Variants in CLCN3 observed in about 807,000 individuals in gnomAD.
CLCN3 encodes H(+)/Cl(-) exchange transporter 3.
Under a neutral mutation model 83.4 loss-of-function variants are expected in CLCN3, and 16 were observed. That is an observed-to-expected ratio of 0.19 (90% CI 0.13 to 0.29). CLCN3 has a LOEUF of 0.29. CLCN3 is among the 10% of genes least tolerant of loss of function. The pLI, the probability that CLCN3 is intolerant of heterozygous loss-of-function variation, is 1.00. For synonymous variants in CLCN3, 322 were observed against 346.2 expected (o/e 0.93, Z 0.78); for missense variants, 544 against 1,006.0 (o/e 0.54, Z 6.21).
intron 2 of CLCN3, among the ~76,000 whole-genome samples, chr4:169,669,607 T>TA (rs1015294794): frequency 3.3e-5 from 5 of 152,202 alleles, no homozygotes; most frequent in Non-Finnish European, 5.9e-5. Context: ...GAAGTATGAA[T>TA]AAAAAAATCA....
chr4:169,654,409 ATCT>A (rs1272427293), intron 2 of CLCN3, among the ~76,000 whole-genome samples: 7 of 150,876 alleles, frequency 4.6e-5, no homozygotes, highest in Admixed American at 4.0e-4. Context: ...TTAATTTCTG[ATCT>A]TCTACTTTCT....
At position 169,680,214 on chromosome 4, in the gene CLCN3, G is replaced by C. The variant is rs1560854289; in HGVS notation, c.318+7G>C. ...CAGAGAAAGGCATAGACGGGTAAGT[G>C]TTTTTAGTAAAAATTTTTAAAAACA... On this transcript the variant is annotated splice_region_variant and intron_variant, in intron 3 of 12. Transcript: ENST00000513761. 6.3e-7 allele frequency: 1 copy of C among 1,597,474 alleles called. No homozygotes were observed. Among genetic ancestry groups the C allele is most frequent in the East Asian group, 2.2e-5 (1 of 44,702 alleles).
intron 2 of CLCN3, among the ~76,000 whole-genome samples, chr4:169,661,536 A>T (rs1333376624): frequency 6.6e-6 from 1 of 152,108 alleles, no homozygotes; most frequent in Non-Finnish European, 1.5e-5. Context: ...TGTCTGCTAC[A>T]CACTATTTTA....
At chr4:169,673,400 A>G (rs1372876406) in intron 2 of CLCN3, among the ~76,000 whole-genome samples, 2 of 152,222 alleles carry the variant, frequency 1.3e-5, no homozygotes. Context: ...CTACCTCATA[A>G]AAATGAGAAT....
At chr4:169,681,949 A>C (rs1731957055) in intron 3 of CLCN3, among the ~76,000 whole-genome samples, 1 of 152,214 alleles carries the variant, frequency 6.6e-6, no homozygotes, top group African/African-American at 2.4e-5. Context: ...CCTCATACAC[A>C]GATAATATAG....
intron 2 of CLCN3, among the ~76,000 whole-genome samples, chr4:169,679,312 TC>T (rs1198520790): frequency 6.7e-6 from 1 of 149,290 alleles, no homozygotes; most frequent in Non-Finnish European, 1.5e-5. Flanking sequence ...GCAGAGACGC[TC>T]CTCACTTCCT....
intron 1 of CLCN3, among the ~76,000 whole-genome samples, chr4:169,621,857 C>G (rs773926509): frequency 3.3e-5 from 5 of 152,086 alleles, no homozygotes; most frequent in Non-Finnish European, 7.4e-5. Flanking sequence ...TGAGTCACTA[C>G]AAAATAATAT....
chr4:169,688,854 G>A (rs1195171916), intron 4 of CLCN3, among the ~76,000 whole-genome samples, 189 bp from the exon 5 acceptor site: 1 of 152,022 alleles, frequency 6.6e-6, no homozygotes, highest in Admixed American at 6.6e-5. Context: ...AACAAAAATA[G>A]CACTTTTATT....
intron 2 of CLCN3, among the ~76,000 whole-genome samples, chr4:169,662,299 G>A (rs1731083747): frequency 6.6e-6 from 1 of 152,082 alleles, no homozygotes. Context: ...ATTAATATAA[G>A]TCATTGTTAT....
chr4:169,703,553 CTT>C (rs1458448332), intron 9 of CLCN3, among the ~76,000 whole-genome samples: 2 of 151,864 alleles, frequency 1.3e-5, no homozygotes, highest in Non-Finnish European at 2.9e-5. Context: ...ATTTCAATAG[CTT>C]TTGGGTTACA....
At chr4:169,627,972 C>T (rs186770191) in intron 1 of CLCN3, among the ~76,000 whole-genome samples, 4 of 152,142 alleles carry the variant, frequency 2.6e-5, no homozygotes, top group African/African-American at 9.7e-5. Context: ...TGGAACAGAA[C>T]AGAGAACTCT....
chr4:169,663,459 A>G (rs1045102074), intron 2 of CLCN3: 16 of 264,894 alleles, frequency 6.0e-5, no homozygotes, highest in Non-Finnish European at 1.2e-4. Context: ...CCTCCTTGGT[A>G]CCTGGGACTG....
chr4:169,681,143 G>A (rs1165058201), intron 3 of CLCN3, among the ~76,000 whole-genome samples: 1 of 152,138 alleles, frequency 6.6e-6, no homozygotes, highest in Admixed American at 6.5e-5. Context: ...CTGCCTCCCA[G>A]GTTCAAGCGA....
intron 12 of CLCN3, among the ~76,000 whole-genome samples, chr4:169,716,342 T>C (rs747563030): frequency 3.3e-5 from 5 of 152,192 alleles, no homozygotes; most frequent in South Asian, 2.1e-4. Context: ...CCTCACAGTA[T>C]ATTTTGTGAT....
At chr4:169,673,700 A>G (rs1246227412) in intron 2 of CLCN3, among the ~76,000 whole-genome samples, 1 of 152,194 alleles carries the variant, frequency 6.6e-6, no homozygotes, top group African/African-American at 2.4e-5. Flanking sequence ...AAGTAACTTC[A>G]GACTTACAGA....
intron 1 of CLCN3, among the ~76,000 whole-genome samples, chr4:169,630,248 G>A (rs992585135): frequency 1.3e-5 from 2 of 152,222 alleles, no homozygotes; most frequent in South Asian, 2.1e-4. Flanking sequence ...AGTGGGTATA[G>A]TGCTCAACAG....
chr4:169,621,224 A>G (rs896055152), intron 1 of CLCN3, among the ~76,000 whole-genome samples, 161 bp downstream of exon 1: 1 of 152,192 alleles, frequency 6.6e-6, no homozygotes, highest in Non-Finnish European at 1.5e-5. Flanking sequence ...CTGATTAGGT[A>G]TATACCCTCA....
intron 2 of CLCN3, among the ~76,000 whole-genome samples, chr4:169,662,503 C>T (rs566269392): frequency 1.3e-5 from 2 of 152,002 alleles, no homozygotes; most frequent in African/African-American, 2.4e-5. Flanking sequence ...GCTAACAAAT[C>T]GAAAAAACTG....
At chr4:169,704,655 A>T (rs183234334) in intron 10 of CLCN3, among the ~76,000 whole-genome samples, 8 of 152,338 alleles carry the variant, frequency 5.3e-5, no homozygotes, top group African/African-American at 1.2e-4. Flanking sequence ...TCCATCATCT[A>T]AGGTATATTT....
Sources: allele counts gnomAD v4.1 joint callset (sites outside exome capture counted in the v4.1 genomes callset), GRCh38; gene constraint gnomAD v4.1.1; transcripts MANE v1.5; gene names NCBI Gene and HGNC (gene_info 2026-07-23, HGNC 2026-07-21).